SLC35F3: variants seen among roughly 807,000 people sequenced by gnomAD.
SLC35F3 encodes the protein putative thiamine transporter SLC35F3.
Under a neutral mutation model 49.9 loss-of-function variants are expected in SLC35F3, and 25 were observed. The observed-to-expected ratio is 0.50, with a 90% CI of 0.37 to 0.70. The LOEUF is 0.70. Among genes scored for constraint, SLC35F3 ranks in the 30% least tolerant of loss-of-function variants. The probability of loss-of-function intolerance (pLI) is 0.00; values close to 1 mark genes in which losing one functional copy is unlikely to be tolerated. For missense variants in SLC35F3, 525 were observed against 639.8 expected, an observed-to-expected ratio of 0.82 and a Z score of 1.94; for synonymous variants, 275 against 265.4, an observed-to-expected ratio of 1.04 and a Z score of -0.35.
chr1:234,162,455 G>A (rs1173800450), intron 2 of SLC35F3, among the ~76,000 whole-genome samples: 3 of 147,818 alleles, frequency 2.0e-5, no homozygotes, highest in Non-Finnish European at 4.5e-5. Flanking sequence ...GTGGAACCTG[G>A]GCAACACCTG....
At chr1:234,267,638 C>CCCA (rs1230552504) in intron 3 of SLC35F3, among the ~76,000 whole-genome samples, 2 of 145,688 alleles carry the variant, frequency 1.4e-5, no homozygotes, top group African/African-American at 5.1e-5. Flanking sequence ...GGGGGGCTGA[C>CCCA]CCCCCCACCT....
intron 2 of SLC35F3, among the ~76,000 whole-genome samples, chr1:234,136,003 G>A (rs546094013): frequency 1.4e-4 from 22 of 152,298 alleles, no homozygotes; most frequent in African/African-American, 4.6e-4. Flanking sequence ...AGAATAGAAA[G>A]CAAAAAGATA....
chr1:234,276,649 CAGG>C (rs1467999575), intron 3 of SLC35F3, among the ~76,000 whole-genome samples: 2 of 152,154 alleles, frequency 1.3e-5, no homozygotes, highest in East Asian at 1.9e-4. Context: ...GGATTATGCA[CAGG>C]AGAACAAACA....
chr1:234,088,765 T>C (rs568105265), intron 2 of SLC35F3, among the ~76,000 whole-genome samples: 1 of 152,246 alleles, frequency 6.6e-6, no homozygotes, highest in Non-Finnish European at 1.5e-5. Context: ...AAGATTTCTT[T>C]TTTTCTTTAT....
chr1:234,157,503 A>C (rs897517537), intron 2 of SLC35F3, among the ~76,000 whole-genome samples: 1 of 152,010 alleles, frequency 6.6e-6, no homozygotes, highest in African/African-American at 2.4e-5. Flanking sequence ...TAAAAAAAAG[A>C]AGGAAAGGAC....
At chr1:233,937,587 T>C (rs1468071255) in intron 2 of SLC35F3, among the ~76,000 whole-genome samples, 1 of 152,210 alleles carries the variant, frequency 6.6e-6, no homozygotes, top group African/African-American at 2.4e-5. Context: ...CTGGAGTTGT[T>C]TGATGTTTTG....
At chr1:234,125,612 C>T (rs1665635233) in intron 2 of SLC35F3, among the ~76,000 whole-genome samples, 1 of 152,170 alleles carries the variant, frequency 6.6e-6, no homozygotes, top group South Asian at 2.1e-4. Context: ...CTGACCGGTC[C>T]GGGCTTGTGC....
At chr1:234,025,949 T>G (rs1219672719) in intron 2 of SLC35F3, among the ~76,000 whole-genome samples, 1 of 152,236 alleles carries the variant, frequency 6.6e-6, no homozygotes, top group African/African-American at 2.4e-5. Context: ...GTCTTACATT[T>G]TAAGTCGTTA....
At chr1:234,319,001 C>T in intron 6 of SLC35F3, 58 bp downstream of exon 6, 4 of 1,443,160 alleles carry the variant, frequency 2.8e-6, no homozygotes, top group Non-Finnish European at 3.8e-6. Flanking sequence ...AGAGGACCCT[C>T]AGGAAACATG....
chr1:234,051,008 G>A (rs2102857509), intron 2 of SLC35F3, among the ~76,000 whole-genome samples: 1 of 152,222 alleles, frequency 6.6e-6, no homozygotes, highest in Middle Eastern at 3.4e-3. Flanking sequence ...TCTCTGTTTT[G>A]GTACTAGTGC....
intron 2 of SLC35F3, among the ~76,000 whole-genome samples, chr1:233,960,158 C>T (rs950833713): frequency 1.3e-5 from 2 of 152,120 alleles, no homozygotes; most frequent in African/African-American, 4.8e-5. Flanking sequence ...TTTGTCTTTG[C>T]GCAATATGCC....
chr1:234,180,051 C>T (rs1196795197), intron 2 of SLC35F3, among the ~76,000 whole-genome samples: 1 of 152,158 alleles, frequency 6.6e-6, no homozygotes, highest in Non-Finnish European at 1.5e-5. Flanking sequence ...TTTCCATAGA[C>T]ATTTTTTGTA....
intron 3 of SLC35F3, among the ~76,000 whole-genome samples, chr1:234,289,750 T>C (rs949240117): frequency 1.3e-5 from 2 of 152,206 alleles, no homozygotes; most frequent in Admixed American, 6.5e-5. Context: ...AACATGAAAC[T>C]GTCCCATGGG....
At chr1:234,186,359 G>C (rs1302310897) in intron 2 of SLC35F3, among the ~76,000 whole-genome samples, 1 of 152,174 alleles carries the variant, frequency 6.6e-6, no homozygotes, top group Non-Finnish European at 1.5e-5. Flanking sequence ...GTTTTTTAAG[G>C]CATGGCCAGC....
intron 2 of SLC35F3, among the ~76,000 whole-genome samples, chr1:233,926,149 CT>C (rs1181042109): frequency 2.0e-5 from 3 of 152,046 alleles, no homozygotes; most frequent in Admixed American, 1.3e-4. Flanking sequence ...TTGTGGCATT[CT>C]CTGTATTTCC....
intron 3 of SLC35F3, among the ~76,000 whole-genome samples, chr1:234,292,232 C>G (rs1277722003): frequency 6.6e-6 from 1 of 152,226 alleles, no homozygotes; most frequent in Non-Finnish European, 1.5e-5. Flanking sequence ...TGATCTCTTG[C>G]AAACCTGGCT....
chr1:234,165,955 G>T (rs1250202525), intron 2 of SLC35F3, among the ~76,000 whole-genome samples: 2 of 152,054 alleles, frequency 1.3e-5, no homozygotes, highest in Admixed American at 1.3e-4. Context: ...GCGGTATTTG[G>T]TTTTCCATTC....
chr1:234,202,637 T>G (rs1666915669), intron 2 of SLC35F3, among the ~76,000 whole-genome samples: 3 of 152,362 alleles, frequency 2.0e-5, no homozygotes, highest in Non-Finnish European at 2.9e-5. Flanking sequence ...CAAGCCTCCT[T>G]CATGGGCGGG....
rs1400280555 is a variant in SLC35F3, at chr1:234,074,758, G to A, written c.284-156659G>A. ...GGAGCGGAATTTGTGGGAACTGAGT[G>A]AGGTTAGGGCAAAAATACTTCAAGT... On this transcript the variant is annotated intron_variant, in intron 2 of 7. Coordinates refer to ENST00000366618, the MANE Select transcript of SLC35F3 (RefSeq NM_173508.4). 3.3e-5 allele frequency among the ~76,000 whole-genome samples: 5 copies of A among 152,228 alleles called. 1 individual carries two copies. The highest frequency in any genetic ancestry group is 7.2e-5 in the African/African-American group (3 of 41,470).
Sources: allele counts gnomAD v4.1 joint callset (sites outside exome capture counted in the v4.1 genomes callset), GRCh38; gene constraint gnomAD v4.1.1; transcripts MANE v1.5; gene names NCBI Gene and HGNC (gene_info 2026-07-23, HGNC 2026-07-21).